The following SLC35E4 variants were observed in gnomAD, a reference collection of about 807,000 sequenced individuals.
SLC35E4 encodes the protein solute carrier family 35, member E4.
A neutral mutation model predicts 19.3 loss-of-function variants in SLC35E4; 15 were observed. The ratio of observed to expected loss-of-function variants is 0.78; its 90% CI spans 0.52 to 1.20. SLC35E4 has a LOEUF of 1.20. Ranked by LOEUF, SLC35E4 falls within the 50% of genes most tolerant of loss-of-function variation. The probability of loss-of-function intolerance (pLI) is 0.00; values close to 1 mark genes in which losing one functional copy is unlikely to be tolerated. For missense variants in SLC35E4, 406 were observed against 472.3 expected, an observed-to-expected ratio of 0.86 and a Z score of 1.30; for synonymous variants, 219 against 219.9, an observed-to-expected ratio of 1.00 and a Z score of 0.04.
intron 1 of SLC35E4, among the ~76,000 whole-genome samples, chr22:30,637,557 TA>T (rs201309761): frequency 0.01 from 1,579 of 152,180 alleles, 21 homozygotes; most frequent in African/African-American, 0.034. Context: ...CCTGGTCAGC[TA>T]ATTTTTTTTT....
At chr22:30,663,204 G>A in exon 3 of SLC35E4, 1 of 518,796 alleles carries the variant, frequency 1.9e-6, no homozygotes, top group Non-Finnish European at 3.4e-6. Context: ...CTATCCCCTG[G>A]CCAGTGTCAC....
At chr22:30,651,524 C>T, downstream of SLC35E4, among the ~76,000 whole-genome samples, 1 of 145,342 alleles carries the variant, frequency 6.9e-6, no homozygotes. Context: ...AAGAAATCCA[C>T]CTGCCTTGGC....
Position 30,636,382 on chromosome 22 carries a change from C to A in SLC35E4, c.-69C>A, listed in dbSNP as rs1156872725. On this transcript the variant is annotated 5_prime_UTR_variant, in exon 1 of 2. Coordinates refer to ENST00000343605, the MANE Select transcript of SLC35E4 (RefSeq NM_001001479.4). ...AACCAGGATCTAGCCTGGCCCCAAG[C>A]GGAACTCTCTGGTGGCCCAGAGGTC... 2 of 1,434,174 alleles carry A rather than the reference C, an allele frequency of 1.4e-6. No homozygotes were observed. The highest frequency in any genetic ancestry group is 1.8e-6 in the Non-Finnish European group (2 of 1,095,268). The allele number at this position is 1,434,174 out of a possible 1,614,324, so 88.8% of individuals were successfully genotyped here.
chr22:30,663,344 T>G, downstream of SLC35E4: 1 of 1,298,230 alleles, frequency 7.7e-7, no homozygotes, highest in Non-Finnish European at 1.1e-6. Flanking sequence ...TTTTTCTGTA[T>G]CAACAAAAGT....
intron 2 of SLC35E4, among the ~76,000 whole-genome samples, chr22:30,657,563 A>G (rs2088365745): frequency 6.6e-6 from 1 of 151,968 alleles, no homozygotes; most frequent in South Asian, 2.1e-4. Context: ...ATTTGAGACC[A>G]GCCTGGGAAA....
downstream of SLC35E4, chr22:30,664,912 C>A (rs2088593515): frequency 6.6e-6 from 1 of 152,598 alleles, no homozygotes; most frequent in Non-Finnish European, 1.5e-5. Flanking sequence ...TGCAGCAGAG[C>A]TGTGAAACAC....
chr22:30,646,758 C>T lies in SLC35E4; in HGVS notation c.780C>T (p.Leu260=), dbSNP rs1434670680. ...GDSRLWACIL[L]SCLLSVLYNL... ...CTCGCCTCTGGGCCTGCATCCTGCT[C>T]AGCTGCCTCCTGTCTGTTCTCTATA... is the stretch of plus-strand genomic sequence containing the variant. The change falls in exon 2 of 2, where the codon CTC becomes CTT. Residue 260 remains leucine (L), a synonymous_variant. Transcript: ENST00000343605. 2 of 1,613,868 alleles carry T rather than the reference C, an allele frequency of 1.2e-6. No individual in the cohort carries two copies. Among genetic ancestry groups the T allele is most frequent in the East Asian group, 2.2e-5 (1 of 44,892 alleles).
At chr22:30,661,414 C>T (rs1014276323) in intron 2 of SLC35E4, 1 of 151,384 alleles carries the variant, frequency 6.6e-6, no homozygotes, top group African/African-American at 2.4e-5. Flanking sequence ...TATTTCTGGT[C>T]CCAAGCATTT....
chr22:30,651,266 T>C (rs886078419), downstream of SLC35E4, among the ~76,000 whole-genome samples: 10 of 150,520 alleles, frequency 6.6e-5, no homozygotes, highest in African/African-American at 2.4e-4. Context: ...AGTGGTGCAA[T>C]CTTGGCTCAC....
intron 1 of SLC35E4, among the ~76,000 whole-genome samples, chr22:30,642,758 G>A (rs1215733411): frequency 3.4e-5 from 5 of 148,410 alleles, no homozygotes; most frequent in Admixed American, 6.8e-5. Flanking sequence ...GGCCAGGCAC[G>A]GTGGTTCACA....
At chr22:30,651,082 C>T (rs556683785), downstream of SLC35E4, among the ~76,000 whole-genome samples, 83 of 151,974 alleles carry the variant, frequency 5.5e-4, 1 homozygote, top group South Asian at 6.5e-3. Context: ...CAAATTAGCT[C>T]AGGGATGTCA....
chr22:30,663,575 G>A, downstream of SLC35E4: 1 of 1,614,238 alleles, frequency 6.2e-7, no homozygotes, highest in African/African-American at 1.3e-5. Context: ...AGCCGCTGTT[G>A]GGTCGGATGA....
At chr22:30,649,375 T>A, downstream of SLC35E4, 1 of 624,506 alleles carries the variant, frequency 1.6e-6, no homozygotes, top group Non-Finnish European at 2.9e-6. Context: ...GGGGCTGTGG[T>A]CTATGGAGAC....
downstream of SLC35E4, among the ~76,000 whole-genome samples, chr22:30,651,705 C>G (rs1417877767): frequency 1.3e-5 from 2 of 151,920 alleles, no homozygotes; most frequent in Non-Finnish European, 2.9e-5. Flanking sequence ...GTCTAGGTAA[C>G]TCCATGACAG....
Position 30,636,471 on chromosome 22 carries a change from G to A in SLC35E4, c.21G>A (p.Glu7=). 1 of 1,504,496 alleles carries A rather than the reference G, an allele frequency of 6.6e-7. No homozygotes were observed. Among genetic ancestry groups the A allele is most frequent in the Non-Finnish European group, 8.9e-7 (1 of 1,119,664 alleles). The allele number at this position is 1,504,496 out of a possible 1,614,324, so 93.2% of individuals were successfully genotyped here. Residue 7 remains glutamate (E), a synonymous_variant, in exon 1 of 2, where the codon GAG becomes GAA. Transcript: ENST00000343605. MCRCPP[E]HHDGRMTSAE... ...TGCGGATGTGCCGCTGCCCGCCGGA[G>A]CACCATGATGGCAGGATGACCTCAG...
In SLC35E4 at chr22:30,662,574, A is replaced by G. The variant is rs553355078; in HGVS notation, c.*523A>G. ...CAGTGGTATCGGGGTACAGTGGCTC[A>G]TCAACACTTTGGGAGGCTGAGGCGT... On this transcript the variant is annotated 3_prime_UTR_variant, in exon 3 of 3. Transcript: ENST00000406566. 3.3e-5 allele frequency: 5 copies of G among 152,256 alleles called. No homozygotes were observed. In the South Asian group the frequency reaches 1.0e-3, roughly 32 times the overall value. 9.4% of individuals were successfully genotyped at this position (152,256 alleles called of 1,614,324 possible). A position where few individuals can be genotyped will look rare whatever the true frequency, so the allele number is the denominator to read the frequency against.
intron 2 of SLC35E4, among the ~76,000 whole-genome samples, chr22:30,659,844 G>C (rs977315553): frequency 1.1e-4 from 16 of 152,152 alleles, no homozygotes; most frequent in Non-Finnish European, 1.9e-4. Flanking sequence ...TTAAAGCAGA[G>C]TGATTCTCTC....
At position 30,647,344 on chromosome 22, in the gene SLC35E4, G is replaced by T; in HGVS notation, c.*313G>T. The T allele has an allele frequency of 3.1e-6, 1 of 317,830 alleles. No homozygotes were observed. The highest frequency in any genetic ancestry group is 5.8e-6 in the Non-Finnish European group (1 of 172,022). 19.7% of individuals were successfully genotyped at this position (317,830 alleles called of 1,614,324 possible). The stretch of plus-strand genomic sequence containing the variant: ...GCCCTGGAGATCGAGGCTGCAGTAA[G>T]CCAAGATCGCATGCTACTGCACTCC... On this transcript the variant is annotated 3_prime_UTR_variant, in exon 2 of 2. Transcript: ENST00000343605.
intron 1 of SLC35E4, among the ~76,000 whole-genome samples, chr22:30,637,521 T>C (rs927565657): frequency 9.2e-5 from 14 of 152,092 alleles, no homozygotes; most frequent in African/African-American, 3.4e-4. Context: ...CCCAAGGTGC[T>C]AGGATTTCAA....
Sources: allele counts gnomAD v4.1 joint callset (sites outside exome capture counted in the v4.1 genomes callset), GRCh38; gene constraint gnomAD v4.1.1; transcripts MANE v1.5; gene names NCBI Gene and HGNC (gene_info 2026-07-23, HGNC 2026-07-21).